The following ANXA7 variants were observed in gnomAD, a reference collection of about 807,000 sequenced individuals.
ANXA7 encodes the protein annexin A7.
Under a neutral mutation model 64.9 loss-of-function variants are expected in ANXA7, and 55 were observed. The observed-to-expected ratio is 0.85, with a 90% CI of 0.68 to 1.06. The LOEUF (loss-of-function observed/expected upper bound fraction) is 1.06. Ranked by LOEUF, ANXA7 falls within the 50% of genes least tolerant of loss-of-function variation. The pLI is 0.00. For synonymous variants in ANXA7, 200 were observed against 192.4 expected (o/e 1.04, Z -0.33); for missense variants, 548 against 582.1 (o/e 0.94, Z 0.60).
chr10:73,385,259 G>T (rs1164870517), intron 7 of ANXA7, among the ~76,000 whole-genome samples: 1 of 152,188 alleles, frequency 6.6e-6, no homozygotes, highest in African/African-American at 2.4e-5. Flanking sequence ...GGAACCACTG[G>T]AAACTTTTCA....
rs774500500 is a variant in ANXA7 at position 73,383,315 on chromosome 10, C to T, written c.778G>A (p.Glu260Lys). 1 of 1,613,888 alleles carries T rather than the reference C, an allele frequency of 6.2e-7. No homozygotes were observed. Among genetic ancestry groups the T allele is most frequent in the Non-Finnish European group, 8.5e-7 (1 of 1,179,972 alleles). Residue 260 changes from glutamate to lysine, a missense_variant, in exon 9 of 13, where the codon GAG becomes AAG. Glu to Lys is a moderately conservative substitution (Grantham distance 56). Transcript: ENST00000372921. ...GAGTQERVLIEILCTRTNQEI... is the reference protein window; with the variant it reads ...GAGTQERVLIKILCTRTNQEI... Reference sequence around the variant, plus strand: ...TGATTTGTTCTTGTGCACAAAATCTCAATCAATACACGTTCCTGAGTTCCT... The same window carrying T: ...TGATTTGTTCTTGTGCACAAAATCTTAATCAATACACGTTCCTGAGTTCCT...
At chr10:73,386,852 G>A (rs898386335) in intron 7 of ANXA7, among the ~76,000 whole-genome samples, 6 of 152,142 alleles carry the variant, frequency 3.9e-5, no homozygotes, top group Middle Eastern at 3.4e-3. Flanking sequence ...TGTTGTCATC[G>A]TTGTTGGAAA....
intron 12 of ANXA7, among the ~76,000 whole-genome samples, chr10:73,377,909 G>GTA (rs2055208859): frequency 7.6e-6 from 1 of 131,126 alleles, no homozygotes; most frequent in Admixed American, 7.2e-5. Flanking sequence ...CCCGGCGTGT[G>GTA]TGTGTGTGTG....
At chr10:73,406,388 C>T (rs1159233177) in intron 1 of ANXA7, among the ~76,000 whole-genome samples, 1 of 152,194 alleles carries the variant, frequency 6.6e-6, no homozygotes, top group Non-Finnish European at 1.5e-5. Context: ...TATATTCTTG[C>T]TTATACTCTG....
At chr10:73,396,367 C>A in intron 5 of ANXA7, 152 bp downstream of exon 5, 2 of 649,056 alleles carry the variant, frequency 3.1e-6, no homozygotes, top group South Asian at 2.1e-5. Context: ...GCAGATGGAC[C>A]AAAGAAAGTA....
chr10:73,377,009 AAAG>A (rs529141240), intron 12 of ANXA7, among the ~76,000 whole-genome samples: 10 of 152,308 alleles, frequency 6.6e-5, no homozygotes, highest in African/African-American at 2.4e-4. Context: ...CAGTTGGGAG[AAAG>A]GAGAATGGGG....
At chr10:73,392,896 AAG>A (rs1051245023) in intron 5 of ANXA7, among the ~76,000 whole-genome samples, 36 of 152,304 alleles carry the variant, frequency 2.4e-4, no homozygotes, top group African/African-American at 7.9e-4. Flanking sequence ...CAATTAGGAA[AAG>A]AGGAAGTCAA....
intron 7 of ANXA7, among the ~76,000 whole-genome samples, chr10:73,386,967 G>A (rs560668209): frequency 7.2e-5 from 11 of 152,120 alleles, no homozygotes; most frequent in East Asian, 5.8e-4. Context: ...AAGCCACCAC[G>A]CTCAGTCCAT....
At chr10:73,387,248 C>T (rs1019356372) in intron 7 of ANXA7, among the ~76,000 whole-genome samples, 14 of 152,132 alleles carry the variant, frequency 9.2e-5, no homozygotes, top group African/African-American at 2.4e-5. Context: ...GGCATGGTGG[C>T]TCACGCCTGT....
chr10:73,383,296 G>A lies in ANXA7; in HGVS notation c.797C>T (p.Thr266Ile). 9 of 1,613,958 alleles carry A rather than the reference G, an allele frequency of 5.6e-6. No homozygotes were observed. The highest frequency in any genetic ancestry group is 7.6e-6 in the Non-Finnish European group (9 of 1,179,958). The change falls in exon 9 of 13, where the codon ACA becomes ATA. Residue 266 changes from threonine to isoleucine, a missense_variant. Coordinates refer to ENST00000372921, the MANE Select transcript of ANXA7 (RefSeq NM_001156.5). ...GACAATTTCTCGGATTTCCTGATTT[G>A]TTCTTGTGCACAAAATCTCAATCAA... ...RVLIEILCTR[T>I]NQEIREIVRC...
intron 1 of ANXA7, among the ~76,000 whole-genome samples, chr10:73,409,633 C>T (rs531339721): frequency 9.5e-4 from 145 of 152,236 alleles, no homozygotes; most frequent in Middle Eastern, 3.4e-3. Context: ...CATCAAAATA[C>T]CAAGATCATT....
chr10:73,378,036 G>C (rs913959170), intron 12 of ANXA7, among the ~76,000 whole-genome samples: 68 of 151,688 alleles, frequency 4.5e-4, no homozygotes, highest in African/African-American at 1.6e-3. Flanking sequence ...CCAAACTGCT[G>C]AGATTACAGG....
chr10:73,385,078 G>A (rs189349134), intron 7 of ANXA7, among the ~76,000 whole-genome samples: 9 of 152,258 alleles, frequency 5.9e-5, no homozygotes, highest in East Asian at 1.9e-4. Flanking sequence ...AGAATTACTC[G>A]TATAGAGCCA....
chr10:73,379,078 C>G, intron 11 of ANXA7, 55 bp from the exon 12 acceptor site: 1 of 1,230,184 alleles, frequency 8.1e-7, no homozygotes. Flanking sequence ...GAAGTGTACC[C>G]CTCCAGCTTC....
intron 5 of ANXA7, among the ~76,000 whole-genome samples, chr10:73,390,238 T>G (rs908137692): frequency 3.9e-5 from 6 of 152,146 alleles, no homozygotes; most frequent in African/African-American, 1.4e-4. Context: ...TTATACACAT[T>G]GAATACAGCA....
intron 11 of ANXA7, 68 bp downstream of exon 11, chr10:73,379,811 T>TGG (rs765778204): frequency 7.0e-6 from 10 of 1,425,682 alleles, no homozygotes; most frequent in African/African-American, 1.4e-5. Flanking sequence ...CAACATTTAA[T>TGG]GGGAACAACT....
At chr10:73,404,335 A>G (rs186694479) in intron 1 of ANXA7, among the ~76,000 whole-genome samples, 2 of 152,324 alleles carry the variant, frequency 1.3e-5, no homozygotes, top group Non-Finnish European at 2.9e-5. Context: ...TTTGAAAGTT[A>G]TGTTCTTCAA....
In ANXA7 at chr10:73,414,020, A is replaced by G. The variant is rs7921604; in HGVS notation, c.-10T>C. On this transcript the variant is annotated 5_prime_UTR_variant, in exon 1 of 13. Transcript: ENST00000372921. ...GGGGCGCCGCTCCTCACCTGACCCC[A>G]GCAGCAGCGTCACAGCCCAACCCGG... The G allele has an allele frequency of 0.046, 7,078 of 152,258 alleles. 503 individuals carry two copies. The highest frequency in any genetic ancestry group is 0.15 in the African/African-American group (6,378 of 41,414). The allele number at this position is 152,258 out of a possible 1,614,324, so 9.4% of individuals were successfully genotyped here. A position where few individuals can be genotyped will look rare whatever the true frequency, so the allele number is the denominator to read the frequency against.
At chr10:73,407,424 A>G (rs1323457300) in intron 1 of ANXA7, among the ~76,000 whole-genome samples, 2 of 152,172 alleles carry the variant, frequency 1.3e-5, no homozygotes, top group Non-Finnish European at 2.9e-5. Context: ...GTTAAAATAG[A>G]GATTTTAATT....
Sources: gnomAD v4.1 joint callset for allele counts (sites outside exome capture counted in the v4.1 genomes callset) on GRCh38, gnomAD v4.1.1 for gene constraint, MANE v1.5 for transcripts, NCBI Gene and HGNC (gene_info 2026-07-23, HGNC 2026-07-21) for gene names.